NELL1: variants seen among roughly 807,000 people sequenced by gnomAD.
NELL1 encodes protein kinase C-binding protein NELL1.
In NELL1, 76 loss-of-function variants were observed where a neutral mutation model predicts 107.4. The observed-to-expected ratio is 0.71, with a 90% CI of 0.59 to 0.86. NELL1 has a LOEUF of 0.86. NELL1 is among the 40% of genes least tolerant of loss of function. The probability of loss-of-function intolerance (pLI) is 0.00; values close to 1 mark genes in which losing one functional copy is unlikely to be tolerated. For missense variants in NELL1, 1,024 were observed against 1,005.5 expected (o/e 1.02, Z -0.25); for synonymous variants, 353 against 341.2 (o/e 1.03, Z -0.38).
intron 15 of NELL1, among the ~76,000 whole-genome samples, chr11:21,445,088 G>A (rs557735533): frequency 6.6e-5 from 10 of 151,936 alleles, no homozygotes; most frequent in South Asian, 4.1e-4. Flanking sequence ...ATTTTTTAAC[G>A]TCTTATTGTT....
At chr11:21,294,347 C>T (rs1238960414) in intron 14 of NELL1, among the ~76,000 whole-genome samples, 1 of 152,034 alleles carries the variant, frequency 6.6e-6, no homozygotes, top group East Asian at 1.9e-4. Context: ...CTTTATTTCA[C>T]ATTTTGTCTT....
chr11:21,310,451 C>G (rs376451497), intron 14 of NELL1, among the ~76,000 whole-genome samples: 1 of 152,002 alleles, frequency 6.6e-6, no homozygotes, highest in African/African-American at 2.4e-5. Flanking sequence ...AACATGGTTT[C>G]GGTCCTCCTA....
rs548668499 is a variant in NELL1 at position 21,005,677 on chromosome 11, A to G, written c.1300+45117A>G. On this transcript the variant is annotated intron_variant, in intron 12 of 19. Coordinates refer to ENST00000357134, the MANE Select transcript of NELL1 (RefSeq NM_006157.5). ...TTAAAAGCTTTCTGATGTCTCATTAACTCACAATGGCATTTCATTTTTAAT... is the reference window on the plus strand; with the variant it reads ...TTAAAAGCTTTCTGATGTCTCATTAGCTCACAATGGCATTTCATTTTTAAT... Among the ~76,000 whole-genome samples, 97 of 152,268 alleles carry G rather than the reference A, an allele frequency of 6.4e-4. No individual in the cohort carries two copies. The Middle Eastern group carries it at 0.01, about 16-fold the overall frequency.
chr11:21,098,064 A>G (rs553537507), intron 12 of NELL1, among the ~76,000 whole-genome samples: 7 of 151,652 alleles, frequency 4.6e-5, no homozygotes, highest in Admixed American at 2.0e-4. Context: ...TTTACACTCT[A>G]AAGACATTCA....
At chr11:21,556,165 T>C (rs1451252488) in intron 16 of NELL1, among the ~76,000 whole-genome samples, 1 of 151,978 alleles carries the variant, frequency 6.6e-6, no homozygotes, top group Non-Finnish European at 1.5e-5. Context: ...CTGTCATTAA[T>C]GAACCCCCAA....
At chr11:20,690,895 T>C (rs1464474741) in intron 2 of NELL1, among the ~76,000 whole-genome samples, 2 of 151,872 alleles carry the variant, frequency 1.3e-5, no homozygotes, top group African/African-American at 4.8e-5. Context: ...TTTCACGATA[T>C]TGATTCTTCC....
At chr11:21,357,924 T>C (rs755798323) in intron 14 of NELL1, among the ~76,000 whole-genome samples, 10 of 152,222 alleles carry the variant, frequency 6.6e-5, no homozygotes, top group Non-Finnish European at 1.2e-4. Flanking sequence ...GTTTATGTTT[T>C]TGTTTGCTTT....
At chr11:21,180,376 T>C (rs962404044) in intron 13 of NELL1, among the ~76,000 whole-genome samples, 1 of 151,726 alleles carries the variant, frequency 6.6e-6, no homozygotes, top group Admixed American at 6.6e-5. Context: ...AATTACTAAT[T>C]TGTGCCTGAT....
intron 12 of NELL1, among the ~76,000 whole-genome samples, chr11:21,076,709 G>C (rs1217681640): frequency 1.3e-5 from 2 of 152,138 alleles, no homozygotes; most frequent in Non-Finnish European, 2.9e-5. Context: ...GGGTAAAGGG[G>C]GCAGATAGCG....
At chr11:21,058,785 C>T (rs1853669755) in intron 12 of NELL1, among the ~76,000 whole-genome samples, 1 of 152,068 alleles carries the variant, frequency 6.6e-6, no homozygotes, top group African/African-American at 2.4e-5. Flanking sequence ...AATGTGACAT[C>T]TAATTTTGAT....
At chr11:21,574,440 T>C (rs1172357981) in intron 19 of NELL1, among the ~76,000 whole-genome samples, 1 of 151,778 alleles carries the variant, frequency 6.6e-6, no homozygotes, top group Non-Finnish European at 1.5e-5. Context: ...AAAGGTATAT[T>C]TACATTAGTA....
chr11:20,958,850 C>T (rs535364789), intron 11 of NELL1, among the ~76,000 whole-genome samples: 7 of 152,170 alleles, frequency 4.6e-5, no homozygotes, highest in East Asian at 1.9e-4. Context: ...AGTGAAAACC[C>T]GCAAATAGCT....
In NELL1 at chr11:21,293,282, A is replaced by T. The variant is rs1590811777; in HGVS notation, c.1549+63828A>T. Among the ~76,000 whole-genome samples the T allele has an allele frequency of 2.0e-5, 3 of 152,370 alleles. No individual in the cohort carries two copies. In the East Asian group the frequency reaches 5.8e-4, roughly 29 times the overall value. ...CATCAAAAAGTGGGTGAAGGATATC[A>T]ACAGACACTTCTCAAAAGAAGACAT... is the stretch of plus-strand genomic sequence containing the variant. On this transcript the variant is annotated intron_variant, in intron 14 of 19. Coordinates refer to ENST00000357134, the MANE Select transcript of NELL1 (RefSeq NM_006157.5).
chr11:20,950,395 C>A (rs1851046755), intron 11 of NELL1, among the ~76,000 whole-genome samples: 1 of 152,186 alleles, frequency 6.6e-6, no homozygotes, highest in Non-Finnish European at 1.5e-5. Flanking sequence ...ACTAAGCCCC[C>A]CATGAATTTT....
chr11:21,235,023 G>A (rs1217318055), intron 14 of NELL1, among the ~76,000 whole-genome samples: 1 of 152,116 alleles, frequency 6.6e-6, no homozygotes, highest in East Asian at 1.9e-4. Context: ...GAAATTTGGG[G>A]AGTTTGAAGA....
chr11:21,084,965 C>T (rs779406188), intron 12 of NELL1, among the ~76,000 whole-genome samples: 1 of 152,158 alleles, frequency 6.6e-6, no homozygotes, highest in Non-Finnish European at 1.5e-5. Flanking sequence ...AACTTGACCA[C>T]ATAATATGTA....
intron 16 of NELL1, among the ~76,000 whole-genome samples, chr11:21,538,239 C>T (rs79544767): frequency 0.012 from 1,848 of 152,160 alleles, 39 homozygotes; most frequent in East Asian, 0.077. Context: ...TCATGTCACT[C>T]TATGTCACTT....
At chr11:20,690,643 T>C (rs1192351550) in intron 2 of NELL1, among the ~76,000 whole-genome samples, 2 of 151,506 alleles carry the variant, frequency 1.3e-5, no homozygotes, top group African/African-American at 4.9e-5. Context: ...TTGATCTATA[T>C]CTCTGTTTTG....
At chr11:21,058,312 T>C (rs1853658921) in intron 12 of NELL1, among the ~76,000 whole-genome samples, 1 of 152,180 alleles carries the variant, frequency 6.6e-6, no homozygotes, top group South Asian at 2.1e-4. Flanking sequence ...CCTTCAATTA[T>C]AATAAAATAG....
Sources: allele counts gnomAD v4.1 joint callset (sites outside exome capture counted in the v4.1 genomes callset), GRCh38; gene constraint gnomAD v4.1.1; transcripts MANE v1.5; gene names NCBI Gene and HGNC (gene_info 2026-07-23, HGNC 2026-07-21).